The following BTNL2 variants were observed in gnomAD, a reference collection of about 807,000 sequenced individuals.
BTNL2 encodes the protein butyrophilin like 2.
Under a neutral mutation model 46.8 loss-of-function variants are expected in BTNL2, and 46 were observed. The ratio of observed to expected loss-of-function variants is 0.98; its 90% CI spans 0.78 to 1.26. The LOEUF is 1.26. BTNL2 is among the 50% of genes most tolerant of loss of function. The pLI, the probability that BTNL2 is intolerant of heterozygous loss-of-function variation, is 0.00. For missense variants in BTNL2, 461 were observed against 592.6 expected, an observed-to-expected ratio of 0.78 and a Z score of 2.31; for synonymous variants, 226 against 229.1, an observed-to-expected ratio of 0.99 and a Z score of 0.12.
At chr6:32,405,807 G>GTTTTTTTTTTT (rs56858224) in intron 1 of BTNL2, among the ~76,000 whole-genome samples, 1 of 127,804 alleles carries the variant, frequency 7.8e-6, no homozygotes, top group African/African-American at 2.7e-5. Context: ...TATAAAAACT[G>GTTTTTTTTTTT]TTTTTTTTTT....
intron 1 of BTNL2, among the ~76,000 whole-genome samples, chr6:32,405,824 TTTTTG>T (rs1777113037): frequency 6.9e-6 from 1 of 145,884 alleles, no homozygotes; most frequent in African/African-American, 2.5e-5. Flanking sequence ...TTTTGTTTTT[TTTTTG>T]TTTGTTTTTT....
rs1438402225 is a variant in BTNL2 at position 32,403,005 on chromosome 6, T to G, written c.639A>C (p.Ala213=). The G allele has an allele frequency of 1.2e-6, 2 of 1,612,752 alleles. No individual in the cohort carries two copies. Among genetic ancestry groups the G allele is most frequent in the Non-Finnish European group, 1.7e-6 (2 of 1,179,926 alleles). ...EATLVVRNAS[A]ESVSCLVHNP... ...TGTGGACCAAGCAGGACACAGACTC[T>G]GCAGAGGCGTTCCTGACCACCAGGG... is the stretch of plus-strand genomic sequence containing the variant. The change falls in exon 3 of 8, where the codon GCA becomes GCC. Residue 213 remains alanine, a synonymous_variant. Coordinates refer to ENST00000454136, the MANE Select transcript of BTNL2 (RefSeq NM_001304561.2).
At chr6:32,398,879 AC>A (rs1471663595) in intron 4 of BTNL2, among the ~76,000 whole-genome samples, 8 of 152,238 alleles carry the variant, frequency 5.3e-5, no homozygotes, top group Non-Finnish European at 1.2e-4. Flanking sequence ...TTGATGTTCT[AC>A]TAGAATACAA....
In BTNL2 at chr6:32,396,747, G is replaced by A. The variant is rs150016754; in HGVS notation, c.731-361C>T. The stretch of plus-strand genomic sequence containing the variant: ...TATAATCCCAGCACTTTGGGAGGCC[G>A]AAGCGGGTGGATCACCAGAGGTCAG... On this transcript the variant is annotated intron_variant, in intron 4 of 7. Coordinates refer to ENST00000454136, the MANE Select transcript of BTNL2 (RefSeq NM_001304561.2). The surrounding 1 kb of genome is among the most constrained non-coding windows in gnomAD (Gnocchi z 4.4). 0.012 allele frequency among the ~76,000 whole-genome samples: 1,850 copies of A among 152,200 alleles called. 68 individuals are homozygous for A. Among genetic ancestry groups the A allele is most frequent in the East Asian group, 0.11 (562 of 5,162 alleles).
intron 2 of BTNL2, among the ~76,000 whole-genome samples, chr6:32,404,642 G>C (rs976405963): frequency 1.3e-5 from 2 of 152,320 alleles, no homozygotes; most frequent in East Asian, 3.9e-4. Flanking sequence ...TTGCTCTTGC[G>C]CACCAGCCTT....
intron 4 of BTNL2, among the ~76,000 whole-genome samples, chr6:32,400,252 T>A (rs900652618): frequency 6.6e-6 from 1 of 152,176 alleles, no homozygotes; most frequent in African/African-American, 2.4e-5. Flanking sequence ...GGTGCCATAG[T>A]AGACTCTGGT....
chr6:32,400,740 T>G (rs1776699996), intron 4 of BTNL2, among the ~76,000 whole-genome samples: 1 of 70,926 alleles, frequency 1.4e-5, no homozygotes, highest in Non-Finnish European at 3.3e-5. Context: ...AAACCCCGTC[T>G]CTACTAAAAA....
Position 32,399,071 on chromosome 6 carries a change from G to A in BTNL2, c.731-2685C>T. ...GCATCCATTAGCTGTTCTTCCTGAT[G>A]CTCTCCCTCCCCCATCCCCCAACAG... On this transcript the variant is annotated intron_variant, in intron 4 of 7. Coordinates refer to ENST00000454136, the MANE Select transcript of BTNL2 (RefSeq NM_001304561.2). The surrounding 1 kb of genome is among the most constrained non-coding windows in gnomAD (Gnocchi z 5.2). Among the ~76,000 whole-genome samples, 1 of 151,888 alleles carries A rather than the reference G, an allele frequency of 6.6e-6. No individual in the cohort carries two copies. Among genetic ancestry groups the A allele is most frequent in the East Asian group, 2.0e-4 (1 of 5,102 alleles).
chr6:32,405,570 G>C lies in BTNL2; in HGVS notation c.80-284C>G, dbSNP rs186602811. 7 of 441,768 alleles carry C rather than the reference G, an allele frequency of 1.6e-5. No individual in the cohort carries two copies. The Admixed American group carries it at 2.4e-4, about 15-fold the overall frequency. The allele number at this position is 441,768 out of a possible 1,614,324, so 27.4% of individuals were successfully genotyped here. A position where few individuals can be genotyped will look rare whatever the true frequency, so the allele number is the denominator to read the frequency against. On this transcript the variant is annotated intron_variant, in intron 1 of 7. Coordinates refer to ENST00000454136, the MANE Select transcript of BTNL2 (RefSeq NM_001304561.2). ...TCTATTACTCTTGGTAAGATTTTGA[G>C]ATTTGAAGTCCTAATTTCTTCATCT...
At position 32,393,673 on chromosome 6, in the gene BTNL2, A is replaced by G. The variant is rs3817968; in HGVS notation, c.*7-284T>C. 0.014 allele frequency: 3,453 copies of G among 242,188 alleles called. 140 individuals carry two copies. The highest frequency in any genetic ancestry group is 0.13 in the East Asian group (1,382 of 11,046). The allele number at this position is 242,188 out of a possible 1,614,324, so 15.0% of individuals were successfully genotyped here. On this transcript the variant is annotated intron_variant, in intron 7 of 7. Transcript: ENST00000454136. This position sits in a 1 kb window ranked among gnomAD's most constrained non-coding sequence, Gnocchi z 4.8. ...GAAAACAAGGATGGCTGTACTACTC[A>G]CTTTTTTCTTCTTCTTCCCTAACCA...
chr6:32,401,697 G>T (rs961755548), intron 4 of BTNL2, 88 bp downstream of exon 4: 3 of 1,302,350 alleles, frequency 2.3e-6, no homozygotes, highest in Non-Finnish European at 3.2e-6. Context: ...TTTTCCTCTG[G>T]GTCACATGGT....
chr6:32,394,179 A>G lies in BTNL2; in HGVS notation c.1361-122T>C, dbSNP rs762101680. Reference sequence around the variant, plus strand: ...GAGAGAATTTGGCCTCCCAGGAAGCAGTTGGCCTGCTCCTCCCTGCTCTGG... The same window carrying G: ...GAGAGAATTTGGCCTCCCAGGAAGCGGTTGGCCTGCTCCTCCCTGCTCTGG... On this transcript the variant is annotated intron_variant, in intron 6 of 7. Coordinates refer to ENST00000454136, the MANE Select transcript of BTNL2 (RefSeq NM_001304561.2). The surrounding 1 kb of genome is among the most constrained non-coding windows in gnomAD (Gnocchi z 4.6). 6.0e-5 allele frequency: 83 copies of G among 1,372,394 alleles called. No individual in the cohort carries two copies. Among genetic ancestry groups the G allele is most frequent in the Non-Finnish European group, 7.9e-5 (81 of 1,022,008 alleles). The allele number at this position is 1,372,394 out of a possible 1,614,324, so 85.0% of individuals were successfully genotyped here.
intron 1 of BTNL2, chr6:32,406,052 G>T (rs62404576): frequency 0.1 from 15,939 of 152,690 alleles, 974 homozygotes; most frequent in East Asian, 0.2. Flanking sequence ...ATCATTTTAT[G>T]TCATGTATGA....
Position 32,407,151 on chromosome 6 carries a change from C to T in BTNL2, c.-28G>A. ...TCCCTGGAACAAAGACAAGGAAACGCTGTGCCTAAGTGAGGCTGTGACACA... is the reference window on the plus strand; with the variant it reads ...TCCCTGGAACAAAGACAAGGAAACGTTGTGCCTAAGTGAGGCTGTGACACA... On this transcript the variant is annotated 5_prime_UTR_variant, in exon 1 of 8. Coordinates refer to ENST00000454136, the MANE Select transcript of BTNL2 (RefSeq NM_001304561.2). The T allele has an allele frequency of 6.2e-7, 1 of 1,604,878 alleles. No individual in the cohort carries two copies. The highest frequency in any genetic ancestry group is 8.5e-7 in the Non-Finnish European group (1 of 1,172,824).
At chr6:32,398,883 G>A (rs1018055057) in intron 4 of BTNL2, among the ~76,000 whole-genome samples, 1 of 152,100 alleles carries the variant, frequency 6.6e-6, no homozygotes, top group African/African-American at 2.4e-5. Flanking sequence ...TGTTCTACTA[G>A]AATACAAGCT....
chr6:32,402,785 T>C (rs1175575544), intron 3 of BTNL2, 150 bp downstream of exon 3: 3 of 868,078 alleles, frequency 3.5e-6, no homozygotes, highest in Admixed American at 2.9e-5. Flanking sequence ...GTAGTGCGTA[T>C]ATTTCCAGTC....
rs35037492 is a variant in BTNL2, at chr6:32,396,063, C to T, written c.1054G>A (p.Ala352Thr). Reference sequence around the variant, plus strand: ...CTTACCACCTTCAGATCCAAACTGGCCTCCTGGTAGACATCATCTTTTTCA... The same window carrying T: ...CTTACCACCTTCAGATCCAAACTGGTCTCCTGGTAGACATCATCTTTTTCA... ...LFEKDDVYQE[A>T]SLDLKVVSLG... is the part of the protein sequence containing the mutation. The change falls in exon 5 of 8, where the codon GCC (alanine) becomes ACC (threonine). Residue 352 changes from alanine (A) to threonine (T), a missense_variant. Transcript: ENST00000454136. This position sits in a 1 kb window ranked among gnomAD's most constrained non-coding sequence, Gnocchi z 4.4. 9.8e-4 allele frequency: 1,582 copies of T among 1,612,728 alleles called. 12 individuals carry two copies. In the African/African-American group the frequency reaches 0.018, roughly 18 times the overall value.
intron 4 of BTNL2, among the ~76,000 whole-genome samples, chr6:32,398,294 G>A (rs1373242533): frequency 2.0e-5 from 3 of 152,184 alleles, no homozygotes; most frequent in African/African-American, 4.8e-5. Flanking sequence ...GGCCAAAGGC[G>A]TTAACATCCC....
At chr6:32,402,145 G>T (rs1776824639) in intron 3 of BTNL2, among the ~76,000 whole-genome samples, 1 of 151,788 alleles carries the variant, frequency 6.6e-6, no homozygotes, top group Non-Finnish European at 1.5e-5. Context: ...GACATAAACA[G>T]TATCACCTAA....
Sources: gnomAD v4.1 joint callset for allele counts (sites outside exome capture counted in the v4.1 genomes callset) on GRCh38, gnomAD v4.1.1 for gene constraint, Gnocchi (gnomAD v3.1) non-coding constraint, MANE v1.5 for transcripts, NCBI Gene and HGNC (gene_info 2026-07-23, HGNC 2026-07-21) for gene names.